Variants in C1QTNF3 observed in about 807,000 individuals in gnomAD.
The protein encoded by C1QTNF3 is C1q and TNF related 3.
A neutral mutation model predicts 32.6 loss-of-function variants in C1QTNF3; 26 were observed. That is an observed-to-expected ratio of 0.80 (90% CI 0.58 to 1.11). The LOEUF is 1.11. Among genes scored for constraint, C1QTNF3 ranks in the 50% least tolerant of loss-of-function variants. C1QTNF3 has a pLI of 0.00. For missense variants in C1QTNF3, 362 were observed against 398.2 expected, an observed-to-expected ratio of 0.91 and a Z score of 0.77; for synonymous variants, 155 against 146.0, an observed-to-expected ratio of 1.06 and a Z score of -0.44.
chr5:34,029,816 A>T (rs116000195), intron 3 of C1QTNF3, among the ~76,000 whole-genome samples: 1 of 152,240 alleles, frequency 6.6e-6, no homozygotes, highest in Non-Finnish European at 1.5e-5. Flanking sequence ...ATTTATTTAT[A>T]TGAACAGACA....
At chr5:34,213,692 G>A in the C1QTNF3 span, among the ~76,000 whole-genome samples, 2 of 100,910 alleles carry the variant, frequency 2.0e-5, no homozygotes, top group African/African-American at 7.2e-5. Context: ...TGTTGTGTGT[G>A]TGTATATATA....
chr5:34,159,867 A>G, the C1QTNF3 span, among the ~76,000 whole-genome samples: 1 of 152,002 alleles, frequency 6.6e-6, no homozygotes, highest in Admixed American at 6.5e-5. Flanking sequence ...ACATAGAAAC[A>G]TGCCAAAGTT....
chr5:34,039,428 C>T (rs528492586), intron 1 of C1QTNF3, among the ~76,000 whole-genome samples: 8 of 152,284 alleles, frequency 5.3e-5, no homozygotes, highest in African/African-American at 1.9e-4. Context: ...TCTCCTTCCG[C>T]CTTATGACCC....
At chr5:34,127,916 T>C in the C1QTNF3 span, among the ~76,000 whole-genome samples, 1 of 152,104 alleles carries the variant, frequency 6.6e-6, no homozygotes, top group African/African-American at 2.4e-5. Context: ...AAATTCAGGC[T>C]GGCTGCATAA....
the C1QTNF3 span, among the ~76,000 whole-genome samples, chr5:34,099,452 G>T: frequency 6.6e-6 from 1 of 152,094 alleles, no homozygotes; most frequent in African/African-American, 2.4e-5. Flanking sequence ...CATACCATAT[G>T]AAAAACAGTG....
the C1QTNF3 span, among the ~76,000 whole-genome samples, chr5:34,126,998 G>C: frequency 6.6e-6 from 1 of 152,114 alleles, no homozygotes; most frequent in Non-Finnish European, 1.5e-5. Flanking sequence ...TTCCCGTTTT[G>C]TGCTCTCTCC....
the C1QTNF3 span, among the ~76,000 whole-genome samples, chr5:34,183,737 T>C: frequency 5.8e-4 from 87 of 150,582 alleles, no homozygotes; most frequent in African/African-American, 2.1e-3. Context: ...TCTACTACTT[T>C]CAAGTAATAG....
chr5:34,213,764 C>G, the C1QTNF3 span, among the ~76,000 whole-genome samples: 2 of 95,300 alleles, frequency 2.1e-5, no homozygotes, highest in African/African-American at 7.5e-5. Flanking sequence ...TATATACACA[C>G]ACACACATAC....
At chr5:34,127,241 CG>C in the C1QTNF3 span, among the ~76,000 whole-genome samples, 2 of 151,804 alleles carry the variant, frequency 1.3e-5, no homozygotes, top group African/African-American at 4.8e-5. Context: ...AACTGGGTAA[CG>C]GGCAGAGGTT....
At chr5:34,030,102 CA>C (rs1754574705) in intron 3 of C1QTNF3, among the ~76,000 whole-genome samples, 1 of 152,050 alleles carries the variant, frequency 6.6e-6, no homozygotes, top group African/African-American at 2.4e-5. Flanking sequence ...CTAAAATTAG[CA>C]ATCTTTTTGA....
chr5:34,174,129 C>G, the C1QTNF3 span, among the ~76,000 whole-genome samples: 20 of 152,364 alleles, frequency 1.3e-4, no homozygotes, highest in East Asian at 3.7e-3. Flanking sequence ...ACCATCTCAG[C>G]TCACTGCAGC....
chr5:34,176,219 C>G, the C1QTNF3 span, among the ~76,000 whole-genome samples: 1 of 132,298 alleles, frequency 7.6e-6, no homozygotes, highest in South Asian at 2.3e-4. Context: ...CACATGGACA[C>G]AGGAAGGGGA....
chr5:34,211,641 G>C, the C1QTNF3 span, among the ~76,000 whole-genome samples: 1 of 148,800 alleles, frequency 6.7e-6, no homozygotes, highest in Non-Finnish European at 1.5e-5. Context: ...AACATCCGGT[G>C]TTTGGTTTTT....
the C1QTNF3 span, among the ~76,000 whole-genome samples, chr5:34,082,139 C>A: frequency 3.3e-5 from 5 of 151,686 alleles, no homozygotes; most frequent in East Asian, 9.7e-4. Context: ...CATTACATTG[C>A]AATGCAAGGA....
chr5:34,043,858 T>TA (rs1358978674), upstream of C1QTNF3: 2 of 152,244 alleles, frequency 1.3e-5, no homozygotes, highest in Non-Finnish European at 2.9e-5. Flanking sequence ...CTAAGTCACT[T>TA]ATTGTCAGAT....
the C1QTNF3 span, among the ~76,000 whole-genome samples, chr5:34,146,447 T>A: frequency 6.6e-6 from 1 of 152,162 alleles, no homozygotes; most frequent in Non-Finnish European, 1.5e-5. Flanking sequence ...AAAAATAGCA[T>A]GATACTTGTA....
chr5:34,176,145 C>T, the C1QTNF3 span, among the ~76,000 whole-genome samples: 3 of 151,588 alleles, frequency 2.0e-5, no homozygotes, highest in African/African-American at 7.3e-5. Context: ...AGTAAACTAT[C>T]GCCAAGAACA....
the C1QTNF3 span, among the ~76,000 whole-genome samples, chr5:34,070,495 ATAAC>A: frequency 6.6e-6 from 1 of 152,206 alleles, no homozygotes; most frequent in Non-Finnish European, 1.5e-5. Context: ...AATTGTCTGA[ATAAC>A]TAGTTAGCAA....
chr5:34,070,569 T>C, the C1QTNF3 span, among the ~76,000 whole-genome samples: 2 of 152,178 alleles, frequency 1.3e-5, no homozygotes, highest in Non-Finnish European at 2.9e-5. Context: ...CAGTATTGAA[T>C]TGATTTTTAG....
Sources: allele counts gnomAD v4.1 joint callset (sites outside exome capture counted in the v4.1 genomes callset), GRCh38; gene constraint gnomAD v4.1.1; transcripts MANE v1.5; gene names NCBI Gene and HGNC (gene_info 2026-07-23, HGNC 2026-07-21).